The following ASTN2 variants were observed in gnomAD, a reference collection of about 807,000 sequenced individuals.
The protein encoded by ASTN2 is astrotactin-2.
ASTN2 carries 54 observed loss-of-function variants against 139.8 expected under a neutral mutation model. The ratio of observed to expected loss-of-function variants is 0.39; its 90% CI spans 0.31 to 0.48. The LOEUF is 0.48. Ranked by LOEUF, ASTN2 falls within the 20% of genes least tolerant of loss-of-function variation. The pLI, the probability that ASTN2 is intolerant of heterozygous loss-of-function variation, is 0.95. For synonymous variants in ASTN2, 756 were observed against 719.5 expected (o/e 1.05, Z -0.81); for missense variants, 1,565 against 1,725.1 (o/e 0.91, Z 1.64).
Position 117,334,819 on chromosome 9 carries a change from C to T in ASTN2, c.443-43306G>A, listed in dbSNP as rs192593622. On this transcript the variant is annotated intron_variant, in intron 1 of 22. Coordinates refer to ENST00000313400, the MANE Select transcript of ASTN2 (RefSeq NM_001365068.1). ...CTGTAATCCTAGCACTTTGGGAGGC[C>T]GAGGCAGGTGGATCACCTGAAGTCA... Among the ~76,000 whole-genome samples, 160 of 152,212 alleles carry T rather than the reference C, an allele frequency of 1.1e-3. 1 individual carries two copies. Among genetic ancestry groups the T allele is most frequent in the Non-Finnish European group, 1.9e-3 (132 of 67,998 alleles).
intron 3 of ASTN2, among the ~76,000 whole-genome samples, chr9:117,168,339 T>A (rs924517855): frequency 2.0e-5 from 3 of 152,198 alleles, no homozygotes; most frequent in African/African-American, 7.2e-5. Flanking sequence ...TTTATCAGTG[T>A]CTTCACTTCC....
chr9:117,306,296 G>A lies in ASTN2; in HGVS notation c.443-14783C>T, dbSNP rs376423055. Among the ~76,000 whole-genome samples, 13 of 152,256 alleles carry A rather than the reference G, an allele frequency of 8.5e-5. No individual in the cohort carries two copies. The East Asian group carries it at 2.3e-3, about 27-fold the overall frequency. ...GGAAGCTTTTGGGCATAATTTTCCT[G>A]GGTCTCCACTTCTCATTTAGAGTCA... On this transcript the variant is annotated intron_variant, in intron 1 of 22. Coordinates refer to ENST00000313400, the MANE Select transcript of ASTN2 (RefSeq NM_001365068.1).
intron 5 of ASTN2, among the ~76,000 whole-genome samples, chr9:117,072,425 A>G (rs760806850): frequency 3.3e-5 from 5 of 152,226 alleles, no homozygotes; most frequent in African/African-American, 4.8e-5. Flanking sequence ...CACTCTGTCA[A>G]TTTGCAAGTG....
intron 6 of ASTN2, among the ~76,000 whole-genome samples, chr9:117,022,612 G>A (rs1564389156): frequency 6.6e-6 from 1 of 152,080 alleles, no homozygotes; most frequent in Non-Finnish European, 1.5e-5. Flanking sequence ...GGAGGTGGGG[G>A]CAAATTCCTT....
At chr9:116,547,967 C>T (rs902416678) in intron 19 of ASTN2, among the ~76,000 whole-genome samples, 5 of 152,304 alleles carry the variant, frequency 3.3e-5, no homozygotes, top group African/African-American at 1.2e-4. Context: ...CTCACCCCCA[C>T]ACACCCTGCC....
chr9:117,153,680 A>G (rs1434909693), intron 3 of ASTN2, among the ~76,000 whole-genome samples: 6 of 152,120 alleles, frequency 3.9e-5, no homozygotes, highest in Admixed American at 3.9e-4. Context: ...TTCCATACAG[A>G]AGAGGGTGAA....
intron 19 of ASTN2, among the ~76,000 whole-genome samples, chr9:116,524,426 C>A (rs1023716703): frequency 6.6e-6 from 1 of 152,060 alleles, no homozygotes; most frequent in Non-Finnish European, 1.5e-5. Context: ...CCCTTCCGTG[C>A]AAAGGTGCCA....
intron 2 of ASTN2, among the ~76,000 whole-genome samples, chr9:117,268,653 G>A (rs77177009): frequency 1.1e-3 from 162 of 152,330 alleles, no homozygotes; most frequent in African/African-American, 3.7e-3. Context: ...CATATAAGAT[G>A]TTCCAGAAGG....
intron 1 of ASTN2, among the ~76,000 whole-genome samples, chr9:117,379,372 T>G (rs1830206405): frequency 6.6e-6 from 1 of 152,078 alleles, no homozygotes; most frequent in Non-Finnish European, 1.5e-5. Flanking sequence ...TACCACCCAC[T>G]GACTCAGGGA....
chr9:116,972,000 T>C (rs1836222141), intron 10 of ASTN2, among the ~76,000 whole-genome samples: 1 of 152,146 alleles, frequency 6.6e-6, no homozygotes, highest in African/African-American at 2.4e-5. Context: ...AATCAAAATA[T>C]AGAATACATA....
chr9:116,509,868 G>A (rs563832416), intron 19 of ASTN2, among the ~76,000 whole-genome samples: 1 of 152,116 alleles, frequency 6.6e-6, no homozygotes, highest in East Asian at 1.9e-4. Context: ...TTTTTTTCTT[G>A]TAAATTTGTT....
intron 3 of ASTN2, among the ~76,000 whole-genome samples, chr9:117,169,646 A>G (rs2132921324): frequency 6.6e-6 from 1 of 152,254 alleles, no homozygotes; most frequent in East Asian, 1.9e-4. Flanking sequence ...CACGCTTTCA[A>G]ACAGAGTCAA....
At chr9:117,384,862 A>G (rs919455016) in intron 1 of ASTN2, among the ~76,000 whole-genome samples, 3 of 152,156 alleles carry the variant, frequency 2.0e-5, no homozygotes, top group African/African-American at 7.2e-5. Flanking sequence ...GGAAGGGAGG[A>G]TAGGTGGATG....
At chr9:117,165,170 C>G (rs182966256) in intron 3 of ASTN2, among the ~76,000 whole-genome samples, 1 of 148,466 alleles carries the variant, frequency 6.7e-6, no homozygotes, top group East Asian at 2.0e-4. Context: ...GCTGCCCTGC[C>G]TATTCCATCC....
intron 2 of ASTN2, among the ~76,000 whole-genome samples, chr9:117,267,395 T>C: frequency 6.6e-6 from 1 of 152,142 alleles, no homozygotes; most frequent in East Asian, 1.9e-4. Context: ...GATCACTTGG[T>C]TTAATCTCAT....
At chr9:117,263,291 G>C (rs775209606) in intron 2 of ASTN2, among the ~76,000 whole-genome samples, 24 of 152,124 alleles carry the variant, frequency 1.6e-4, no homozygotes, top group Admixed American at 2.0e-4. Context: ...CCAGAGTGAA[G>C]TATAACTTTG....
chr9:117,247,351 A>C (rs1487207998), intron 2 of ASTN2, among the ~76,000 whole-genome samples: 1 of 152,220 alleles, frequency 6.6e-6, no homozygotes, highest in Non-Finnish European at 1.5e-5. Context: ...GCAGTAGAAC[A>C]GAAACCTGTC....
At chr9:116,943,013 T>G (rs1299885866) in intron 10 of ASTN2, among the ~76,000 whole-genome samples, 2 of 152,220 alleles carry the variant, frequency 1.3e-5, no homozygotes, top group African/African-American at 4.8e-5. Flanking sequence ...GAGGGGGTGA[T>G]GGCAGAATTA....
chr9:116,576,088 G>A (rs1021819746), intron 19 of ASTN2, among the ~76,000 whole-genome samples: 4 of 152,082 alleles, frequency 2.6e-5, no homozygotes, highest in Non-Finnish European at 5.9e-5. Context: ...GCATTTGGGT[G>A]CCATTTGGCC....
Sources: gnomAD v4.1 joint callset for allele counts (sites outside exome capture counted in the v4.1 genomes callset) on GRCh38, gnomAD v4.1.1 for gene constraint, MANE v1.5 for transcripts, NCBI Gene and HGNC (gene_info 2026-07-23, HGNC 2026-07-21) for gene names.